The following CDH12 variants were observed in gnomAD, a reference collection of about 807,000 sequenced individuals.
CDH12 encodes the protein cadherin-12.
In CDH12, 41 loss-of-function variants were observed where a neutral mutation model predicts 74.1. The observed-to-expected ratio is 0.55, with a 90% CI of 0.43 to 0.72. The LOEUF is 0.72. Ranked by LOEUF, CDH12 falls within the 30% of genes least tolerant of loss-of-function variation. The probability of loss-of-function intolerance (pLI) is 0.00; values close to 1 mark genes in which losing one functional copy is unlikely to be tolerated. For synonymous variants in CDH12, 399 were observed against 355.0 expected, an observed-to-expected ratio of 1.12 and a Z score of -1.39; for missense variants, 945 against 977.2, an observed-to-expected ratio of 0.97 and a Z score of 0.44.
chr5:22,080,745 C>T (rs1305571200), intron 4 of CDH12, among the ~76,000 whole-genome samples: 2 of 152,006 alleles, frequency 1.3e-5, no homozygotes, highest in Admixed American at 6.6e-5. Context: ...TAAATAAATA[C>T]ACATTATTAA....
At chr5:22,347,143 CT>C (rs1193661345) in intron 3 of CDH12, among the ~76,000 whole-genome samples, 3 of 152,146 alleles carry the variant, frequency 2.0e-5, no homozygotes, top group Non-Finnish European at 2.9e-5. Context: ...TGATTGTCAA[CT>C]TGATTGGATT....
chr5:21,863,017 A>C (rs1334508367), intron 6 of CDH12, among the ~76,000 whole-genome samples: 1 of 152,150 alleles, frequency 6.6e-6, no homozygotes, highest in African/African-American at 2.4e-5. Context: ...TTCATTGATT[A>C]CAAAAATAAA....
chr5:22,322,440 GT>G (rs1345399673), intron 3 of CDH12, among the ~76,000 whole-genome samples: 2 of 150,668 alleles, frequency 1.3e-5, no homozygotes, highest in East Asian at 3.9e-4. Context: ...TCTTGTGAAG[GT>G]TAGGACTCCA....
chr5:22,488,922 TC>T (rs1419083901), intron 2 of CDH12, among the ~76,000 whole-genome samples: 4 of 152,094 alleles, frequency 2.6e-5, no homozygotes, highest in Non-Finnish European at 5.9e-5. Context: ...GAAAACTTCT[TC>T]CTTAATGATA....
intron 5 of CDH12, among the ~76,000 whole-genome samples, chr5:22,073,181 A>T (rs1007047162): frequency 6.6e-6 from 1 of 152,146 alleles, no homozygotes; most frequent in African/African-American, 2.4e-5. Flanking sequence ...TGCATTCTTC[A>T]TCAAAAATAG....
At chr5:22,822,720 A>T (rs1581035543) in intron 1 of CDH12, among the ~76,000 whole-genome samples, 1 of 152,330 alleles carries the variant, frequency 6.6e-6, no homozygotes, top group South Asian at 2.1e-4. Flanking sequence ...AATCATTAAA[A>T]AGTCAGGAAA....
chr5:22,446,755 A>T (rs903220866), intron 2 of CDH12, among the ~76,000 whole-genome samples: 1 of 152,072 alleles, frequency 6.6e-6, no homozygotes, highest in African/African-American at 2.4e-5. Flanking sequence ...TTTTGTACTC[A>T]AGTTATGACC....
chr5:22,665,641 G>T (rs540224795), intron 1 of CDH12, among the ~76,000 whole-genome samples: 1 of 151,664 alleles, frequency 6.6e-6, no homozygotes, highest in South Asian at 2.1e-4. Flanking sequence ...CATCTCCCTC[G>T]GCCTCCATCC....
chr5:22,164,772 T>C (rs1287150182), intron 4 of CDH12, among the ~76,000 whole-genome samples: 1 of 144,822 alleles, frequency 6.9e-6, no homozygotes, highest in Non-Finnish European at 1.5e-5. Context: ...ATTGGACAGC[T>C]GTGAGCTCAG....
chr5:22,691,024 T>G (rs1046224329), intron 1 of CDH12, among the ~76,000 whole-genome samples: 4 of 152,200 alleles, frequency 2.6e-5, no homozygotes, highest in Non-Finnish European at 5.9e-5. Context: ...TATGATATTT[T>G]GTTAAAACCA....
intron 2 of CDH12, among the ~76,000 whole-genome samples, chr5:22,460,383 C>T (rs571662279): frequency 6.6e-6 from 1 of 152,262 alleles, no homozygotes; most frequent in Non-Finnish European, 1.5e-5. Flanking sequence ...TGGCTCTCTG[C>T]TCTTACGAAC....
intron 1 of CDH12, among the ~76,000 whole-genome samples, chr5:22,518,357 A>G (rs1299852731): frequency 6.6e-6 from 1 of 152,158 alleles, no homozygotes; most frequent in Non-Finnish European, 1.5e-5. Context: ...TGTTGTATTG[A>G]ATAATATAGT....
intron 3 of CDH12, among the ~76,000 whole-genome samples, chr5:22,295,161 T>C (rs1012843367): frequency 2.6e-5 from 4 of 152,162 alleles, no homozygotes; most frequent in African/African-American, 7.2e-5. Context: ...CCTATTGCAA[T>C]AGTCTTGAGA....
At chr5:21,840,135 C>T (rs1452834496) in intron 8 of CDH12, among the ~76,000 whole-genome samples, 1 of 152,030 alleles carries the variant, frequency 6.6e-6, no homozygotes, top group African/African-American at 2.4e-5. Context: ...TGATTCAACA[C>T]ATATAATCAC....
In CDH12 at chr5:21,944,291, C is replaced by T. The variant is rs544969567; in HGVS notation, c.526+30800G>A. 1.0e-3 allele frequency among the ~76,000 whole-genome samples: 154 copies of T among 152,178 alleles called. 2 individuals are homozygous for T. The highest frequency in any genetic ancestry group is 3.5e-3 in the African/African-American group (147 of 41,532). ...GTGTGTAGAAAGAAAATGTGAACCC[C>T]GAGTTTAATCAATTAAACTTTGATT... is the stretch of plus-strand genomic sequence containing the variant. On this transcript the variant is annotated intron_variant, in intron 6 of 14. Transcript: ENST00000382254.
chr5:21,990,091 T>C (rs1191655042), intron 5 of CDH12, among the ~76,000 whole-genome samples: 3 of 152,198 alleles, frequency 2.0e-5, no homozygotes, highest in East Asian at 1.9e-4. Context: ...GGTCTAACTT[T>C]AGAGGTCGAA....
chr5:22,664,253 T>C (rs192788259), intron 1 of CDH12, among the ~76,000 whole-genome samples: 1 of 152,286 alleles, frequency 6.6e-6, no homozygotes, highest in East Asian at 1.9e-4. Flanking sequence ...TTATACAGAA[T>C]TGCCCGATAC....
At chr5:22,350,685 C>T (rs1054021914) in intron 3 of CDH12, among the ~76,000 whole-genome samples, 2 of 152,046 alleles carry the variant, frequency 1.3e-5, no homozygotes, top group Admixed American at 1.3e-4. Context: ...TTTGTGGATA[C>T]AATTATAGAT....
intron 5 of CDH12, among the ~76,000 whole-genome samples, chr5:22,044,033 A>G (rs1469274041): frequency 6.6e-6 from 1 of 152,204 alleles, no homozygotes; most frequent in African/African-American, 2.4e-5. Flanking sequence ...CATAGATTCA[A>G]TGTAGTCACT....
Sources: allele counts gnomAD v4.1 joint callset (sites outside exome capture counted in the v4.1 genomes callset), GRCh38; gene constraint gnomAD v4.1.1; transcripts MANE v1.5; gene names NCBI Gene and HGNC (gene_info 2026-07-23, HGNC 2026-07-21).